The following UBE2E1 variants were observed in gnomAD, a reference collection of about 807,000 sequenced individuals.
UBE2E1 encodes ubiquitin-conjugating enzyme E2 E1.
A neutral mutation model predicts 21.4 loss-of-function variants in UBE2E1; 6 were observed. The observed-to-expected ratio is 0.28, with a 90% CI of 0.15 to 0.55. The LOEUF (loss-of-function observed/expected upper bound fraction) is 0.55. Among genes scored for constraint, UBE2E1 ranks in the 20% least tolerant of loss-of-function variants. The probability of loss-of-function intolerance (pLI) is 0.93; values close to 1 mark genes in which losing one functional copy is unlikely to be tolerated. For missense variants in UBE2E1, 142 were observed against 236.5 expected (o/e 0.60, Z 2.62); for synonymous variants, 87 against 82.7 (o/e 1.05, Z -0.28).
At chr3:23,811,591 T>G (rs965628353) in intron 3 of UBE2E1, 81 bp downstream of exon 3, 23 of 1,303,950 alleles carry the variant, frequency 1.8e-5, no homozygotes, top group Non-Finnish European at 2.5e-5. Context: ...TATATACTTT[T>G]TCTTTGATTC....
At chr3:23,889,557 T>C (rs1045213525) in intron 5 of UBE2E1, 10 of 1,376,432 alleles carry the variant, frequency 7.3e-6, no homozygotes, top group African/African-American at 5.9e-5. Context: ...TAATTTCCCA[T>C]AGAGTTCTTA....
Position 23,810,752 on chromosome 3 carries a change from C to A in UBE2E1, c.153-708C>A. On this transcript the variant is annotated intron_variant, in intron 2 of 5. Coordinates refer to ENST00000306627, the MANE Select transcript of UBE2E1 (RefSeq NM_003341.5). The surrounding 1 kb of genome is among the most constrained non-coding windows in gnomAD (Gnocchi z 5.8). ...AGCCCCCGTGCGGGCACCCTGTTCC[C>A]CTCCCCCGCCCGCAACTTCACCGGC... The A allele has an allele frequency of 3.4e-6, 1 of 290,374 alleles. No individual in the cohort carries two copies. The highest frequency in any genetic ancestry group is 5.7e-5 in the East Asian group (1 of 17,438). 18.0% of individuals were successfully genotyped at this position (290,374 alleles called of 1,614,324 possible). A position where few individuals can be genotyped will look rare whatever the true frequency, so the allele number is the denominator to read the frequency against.
intron 3 of UBE2E1, among the ~76,000 whole-genome samples, chr3:23,837,548 C>T (rs1316673460): frequency 1.3e-5 from 2 of 152,158 alleles, no homozygotes; most frequent in African/African-American, 4.8e-5. Flanking sequence ...GTCCAACTTG[C>T]TATGTGTTTT....
In UBE2E1 at chr3:23,810,070, G is replaced by C. The variant is rs73050576; in HGVS notation, c.153-1390G>C. On this transcript the variant is annotated intron_variant, in intron 2 of 5. Coordinates refer to ENST00000306627, the MANE Select transcript of UBE2E1 (RefSeq NM_003341.5). The surrounding 1 kb of genome is among the most constrained non-coding windows in gnomAD (Gnocchi z 5.8). ...ACCTGTTCCTCATTACATATAGCTCGTCCGTCCTCCTACCCGCAGAAAACC... is the reference window on the plus strand; with the variant it reads ...ACCTGTTCCTCATTACATATAGCTCCTCCGTCCTCCTACCCGCAGAAAACC... Among the ~76,000 whole-genome samples, 21 of 152,246 alleles carry C rather than the reference G, an allele frequency of 1.4e-4. No homozygotes were observed. The highest frequency in any genetic ancestry group is 4.1e-4 in the African/African-American group (17 of 41,546).
intron 3 of UBE2E1, among the ~76,000 whole-genome samples, chr3:23,830,673 C>T (rs1444543765): frequency 1.3e-5 from 2 of 152,164 alleles, no homozygotes; most frequent in African/African-American, 4.8e-5. Context: ...TCTTGATTCA[C>T]CTGGATGTGG....
rs186842448 is a variant in UBE2E1 at position 23,885,931 on chromosome 3, T to G, written c.204-1636T>G. Reference sequence around the variant, plus strand: ...TATCTAAAACAAACTTTTTGGTGGCTTACACTTATAATCCCAGCACTCTGG... The same window carrying G: ...TATCTAAAACAAACTTTTTGGTGGCGTACACTTATAATCCCAGCACTCTGG... On this transcript the variant is annotated intron_variant, in intron 3 of 5. Transcript: ENST00000306627. Among the ~76,000 whole-genome samples the G allele has an allele frequency of 9.2e-5, 14 of 152,058 alleles. No individual in the cohort carries two copies. The South Asian group carries it at 1.7e-3, about 18-fold the overall frequency.
chr3:23,847,403 T>C (rs1700230658), intron 3 of UBE2E1, among the ~76,000 whole-genome samples: 1 of 152,136 alleles, frequency 6.6e-6, no homozygotes, highest in South Asian at 2.1e-4. Flanking sequence ...GAAGCTTATT[T>C]TTACACCCTT....
chr3:23,811,755 C>T (rs761427099), intron 3 of UBE2E1, among the ~76,000 whole-genome samples: 2 of 152,090 alleles, frequency 1.3e-5, no homozygotes, highest in African/African-American at 4.8e-5. Context: ...TGAAACAAAA[C>T]TAAAGTAAAT....
intron 3 of UBE2E1, among the ~76,000 whole-genome samples, chr3:23,812,611 A>G (rs1249599263): frequency 6.6e-6 from 1 of 152,246 alleles, no homozygotes; most frequent in East Asian, 1.9e-4. Flanking sequence ...TTTTGTAAGG[A>G]AAGTCATTTT....
In UBE2E1 at chr3:23,870,503, G is replaced by T. The variant is rs1700760651; in HGVS notation, c.204-17064G>T. The stretch of plus-strand genomic sequence containing the variant: ...GCTTTAAGCACAGAGGCGCAGATAG[G>T]GGTAGCTAGAACTTGGCCACAGCAC... On this transcript the variant is annotated intron_variant, in intron 3 of 5. Transcript: ENST00000306627. The surrounding 1 kb of genome is among the most constrained non-coding windows in gnomAD (Gnocchi z 4.2). Among the ~76,000 whole-genome samples, 1 of 152,128 alleles carries T rather than the reference G, an allele frequency of 6.6e-6. No individual in the cohort carries two copies. The highest frequency in any genetic ancestry group is 1.5e-5 in the Non-Finnish European group (1 of 68,022).
chr3:23,890,425 G>T, intron 5 of UBE2E1, 84 bp from the exon 6 acceptor site: 1 of 1,298,196 alleles, frequency 7.7e-7, no homozygotes. Flanking sequence ...TTTGTCGTAC[G>T]TATCTACCCA....
At chr3:23,878,422 AG>A (rs1273265009) in intron 3 of UBE2E1, among the ~76,000 whole-genome samples, 1 of 152,340 alleles carries the variant, frequency 6.6e-6, no homozygotes, top group East Asian at 1.9e-4. Flanking sequence ...AGTTGTCTCA[AG>A]TCCTTCCTTT....
At position 23,836,810 on chromosome 3, in the gene UBE2E1, C is replaced by T. The variant is rs1699984296; in HGVS notation, c.203+25300C>T. 6.6e-6 allele frequency among the ~76,000 whole-genome samples: 1 copy of T among 152,140 alleles called. No individual in the cohort carries two copies. The highest frequency in any genetic ancestry group is 1.5e-5 in the Non-Finnish European group (1 of 68,028). ...GACATATGACAGACAGAATCATGCC[C>T]AGGAATCTATTCATTCTGCACACTA... On this transcript the variant is annotated intron_variant, in intron 3 of 5. Transcript: ENST00000306627. The surrounding 1 kb of genome is among the most constrained non-coding windows in gnomAD (Gnocchi z 4.1).
chr3:23,828,227 G>C (rs1015409919), intron 3 of UBE2E1, among the ~76,000 whole-genome samples: 2 of 152,200 alleles, frequency 1.3e-5, no homozygotes, highest in African/African-American at 4.8e-5. Flanking sequence ...GCATTTAGTA[G>C]TAGTTGTATA....
rs1700907201 is a variant in UBE2E1, at chr3:23,876,003, C to T, written c.204-11564C>T. Among the ~76,000 whole-genome samples the T allele has an allele frequency of 6.6e-6, 1 of 152,186 alleles. No homozygotes were observed. The highest frequency in any genetic ancestry group is 2.4e-5 in the African/African-American group (1 of 41,442). ...GGCCAGGATGGTCTCTATCTCTAGACCTCGTGATCTGCCCGCTTTGGCCTC... is the reference window on the plus strand; with the variant it reads ...GGCCAGGATGGTCTCTATCTCTAGATCTCGTGATCTGCCCGCTTTGGCCTC... On this transcript the variant is annotated intron_variant, in intron 3 of 5. Coordinates refer to ENST00000306627, the MANE Select transcript of UBE2E1 (RefSeq NM_003341.5). This position sits in a 1 kb window ranked among gnomAD's most constrained non-coding sequence, Gnocchi z 4.3.
chr3:23,878,086 C>G (rs561162016), intron 3 of UBE2E1, among the ~76,000 whole-genome samples: 3 of 152,252 alleles, frequency 2.0e-5, no homozygotes, highest in South Asian at 2.1e-4. Context: ...AATGTCACAA[C>G]TGTGTTCTGG....
chr3:23,879,205 C>G (rs773998897), intron 3 of UBE2E1: 1 of 889,170 alleles, frequency 1.1e-6, no homozygotes, highest in African/African-American at 1.7e-5. Flanking sequence ...GAGTCCACAA[C>G]AAATACAATG....
At chr3:23,865,029 AC>A (rs1309855247) in intron 3 of UBE2E1, among the ~76,000 whole-genome samples, 1 of 152,256 alleles carries the variant, frequency 6.6e-6, no homozygotes, top group Non-Finnish European at 1.5e-5. Context: ...GTAACAAATT[AC>A]TGCAAATTTA....
chr3:23,880,993 G>A (rs1050743364), intron 3 of UBE2E1, among the ~76,000 whole-genome samples: 3 of 152,172 alleles, frequency 2.0e-5, no homozygotes, highest in Admixed American at 2.0e-4. Flanking sequence ...ATATAATATT[G>A]AGGCATAAGA....
Sources: gnomAD v4.1 joint callset for allele counts (sites outside exome capture counted in the v4.1 genomes callset) on GRCh38, gnomAD v4.1.1 for gene constraint, Gnocchi (gnomAD v3.1) non-coding constraint, MANE v1.5 for transcripts, NCBI Gene and HGNC (gene_info 2026-07-23, HGNC 2026-07-21) for gene names.